Variants in MYO1B observed in about 807,000 individuals in gnomAD.
The protein encoded by MYO1B is myosin IB.
Under a neutral mutation model 159.7 loss-of-function variants are expected in MYO1B, and 72 were observed. That is an observed-to-expected ratio of 0.45 (90% CI 0.37 to 0.55). The LOEUF is 0.55. MYO1B is among the 20% of genes least tolerant of loss of function. The probability of loss-of-function intolerance (pLI) is 0.00; values close to 1 mark genes in which losing one functional copy is unlikely to be tolerated. For missense variants in MYO1B, 1,062 were observed against 1,364.8 expected, an observed-to-expected ratio of 0.78 and a Z score of 3.50; for synonymous variants, 468 against 473.8, an observed-to-expected ratio of 0.99 and a Z score of 0.16.
At chr2:191,400,685 G>C (rs1248688336) in intron 22 of MYO1B, 64 bp from the exon 23 acceptor site, 3 of 1,561,932 alleles carry the variant, frequency 1.9e-6, no homozygotes, top group Non-Finnish European at 2.6e-6. Context: ...TTTCTTCATT[G>C]AAAACCAGCA....
intron 3 of MYO1B, among the ~76,000 whole-genome samples, chr2:191,302,736 A>G (rs1199478607): frequency 1.3e-5 from 2 of 152,254 alleles, no homozygotes; most frequent in East Asian, 1.9e-4. Context: ...TTGCAGTCAC[A>G]AGGTGAAGCA....
rs192908271 is a variant in MYO1B, at chr2:191,407,962, C to A, written c.2557-153C>A. ...TTCTTTCTCTCTGACTTAAGATCCA[C>A]TATATGAATGTGTTTCAATTATTTT... On this transcript the variant is annotated intron_variant, in intron 24 of 30. Coordinates refer to ENST00000392318, the MANE Select transcript of MYO1B (RefSeq NM_001130158.3). 1.4e-4 allele frequency: 64 copies of A among 469,734 alleles called. No individual in the cohort carries two copies. The Admixed American group carries it at 2.4e-3, about 17-fold the overall frequency. The allele number at this position is 469,734 out of a possible 1,614,324, so 29.1% of individuals were successfully genotyped here. A position where few individuals can be genotyped will look rare whatever the true frequency, so the allele number is the denominator to read the frequency against.
intron 14 of MYO1B, among the ~76,000 whole-genome samples, chr2:191,382,346 G>A (rs1695091608): frequency 6.6e-6 from 1 of 151,814 alleles, no homozygotes; most frequent in African/African-American, 2.4e-5. Context: ...TAATGTGATT[G>A]TTATCCCCAG....
chr2:191,275,827 T>G lies in MYO1B; in HGVS notation c.-9-1060T>G, dbSNP rs73981535. 2.6e-3 allele frequency among the ~76,000 whole-genome samples: 389 copies of G among 152,304 alleles called. 3 individuals carry two copies. The highest frequency in any genetic ancestry group is 9.0e-3 in the African/African-American group (374 of 41,560). The stretch of plus-strand genomic sequence containing the variant: ...TTACCATTTTACCATTTAGTTCTGG[T>G]AATATTAGGAAAAATAATACAGACA... On this transcript the variant is annotated intron_variant, in intron 1 of 30. Transcript: ENST00000392318.
At chr2:191,266,912 C>T (rs1033057576) in intron 1 of MYO1B, among the ~76,000 whole-genome samples, 17 of 152,158 alleles carry the variant, frequency 1.1e-4, no homozygotes, top group African/African-American at 4.1e-4. Flanking sequence ...TTTTCCCTCT[C>T]GTCAGTTTGC....
chr2:191,354,326 A>G (rs1693131045), intron 7 of MYO1B, among the ~76,000 whole-genome samples: 1 of 150,988 alleles, frequency 6.6e-6, no homozygotes, highest in African/African-American at 2.4e-5. Flanking sequence ...TATTTGTTGA[A>G]TGAATGAATG....
intron 23 of MYO1B, chr2:191,401,472 A>G (rs920406232): frequency 6.6e-6 from 1 of 152,198 alleles, no homozygotes; most frequent in Non-Finnish European, 1.5e-5. Context: ...GCCTCCTGAA[A>G]TACTCTCACT....
chr2:191,383,683 A>G (rs1481117918), intron 15 of MYO1B, among the ~76,000 whole-genome samples: 1 of 151,642 alleles, frequency 6.6e-6, no homozygotes, highest in African/African-American at 2.4e-5. Flanking sequence ...TGGCCATATC[A>G]CAACACCCTT....
chr2:191,385,976 A>G lies in MYO1B; in HGVS notation c.1446A>G (p.Val482=), dbSNP rs1695375488. The change falls in exon 16 of 31, where the codon GTA becomes GTG. Residue 482 remains valine, a synonymous_variant. Coordinates refer to ENST00000392318, the MANE Select transcript of MYO1B (RefSeq NM_001130158.3). ...CCTTCTTAGAAAAGCTGAACCAAGT[A>G]TGTGCCACCCACCAGCATTTTGAGA... ...DETFLEKLNQ[V]CATHQHFESR... The G allele has an allele frequency of 1.9e-6, 3 of 1,614,052 alleles. No homozygotes were observed. The highest frequency in any genetic ancestry group is 2.2e-5 in the East Asian group (1 of 44,894).
chr2:191,322,065 G>A (rs1431881243), intron 3 of MYO1B, among the ~76,000 whole-genome samples: 1 of 152,174 alleles, frequency 6.6e-6, no homozygotes, highest in Non-Finnish European at 1.5e-5. Flanking sequence ...ATAACAGCCT[G>A]CAGTAGCAAG....
At chr2:191,379,071 GTA>G (rs1362549736) in intron 13 of MYO1B, among the ~76,000 whole-genome samples, 2 of 152,174 alleles carry the variant, frequency 1.3e-5, no homozygotes, top group African/African-American at 4.8e-5. Context: ...CCACAGGAAG[GTA>G]TTGTGGTCCT....
At chr2:191,381,304 A>G (rs1695027380) in intron 13 of MYO1B, 158 bp from the exon 14 acceptor site, 1 of 700,410 alleles carries the variant, frequency 1.4e-6, no homozygotes, top group Admixed American at 2.0e-5. Flanking sequence ...GAGTGCCTGC[A>G]ATGGGCAAGC....
At chr2:191,282,027 A>G (rs555759808) in intron 2 of MYO1B, among the ~76,000 whole-genome samples, 22 of 152,346 alleles carry the variant, frequency 1.4e-4, no homozygotes, top group Non-Finnish European at 2.8e-4. Context: ...AAGATATAGT[A>G]CCATATATTT....
chr2:191,409,031 C>T lies in MYO1B; in HGVS notation c.2632-13C>T. 3.1e-6 allele frequency: 5 copies of T among 1,595,752 alleles called. No individual in the cohort carries two copies. The highest frequency in any genetic ancestry group is 4.3e-6 in the Non-Finnish European group (5 of 1,174,162). On this transcript the variant is annotated splice_polypyrimidine_tract_variant and intron_variant, in intron 25 of 30. Transcript: ENST00000392318. ...ATTTTCCTCATGTAGTATTTTCTGT[C>T]AACCCAACACAGGTGCAAAAATACT... is the stretch of plus-strand genomic sequence containing the variant.
intron 8 of MYO1B, among the ~76,000 whole-genome samples, chr2:191,361,867 A>G (rs1258490481): frequency 2.0e-5 from 3 of 152,102 alleles, no homozygotes; most frequent in African/African-American, 7.2e-5. Context: ...GACATTTATC[A>G]CTGCTCTATA....
At chr2:191,411,654 G>C (rs188578033) in intron 27 of MYO1B, among the ~76,000 whole-genome samples, 10 of 152,322 alleles carry the variant, frequency 6.6e-5, no homozygotes, top group African/African-American at 2.2e-4. Flanking sequence ...GCACTGGTCT[G>C]TGGTGCCCTT....
chr2:191,300,861 CA>C (rs768971679), intron 3 of MYO1B, among the ~76,000 whole-genome samples: 1 of 152,032 alleles, frequency 6.6e-6, no homozygotes, highest in Non-Finnish European at 1.5e-5. Flanking sequence ...AAGGTGTCTA[CA>C]ATTTATCTTT....
intron 3 of MYO1B, among the ~76,000 whole-genome samples, chr2:191,301,077 C>T (rs961282772): frequency 6.6e-6 from 1 of 152,084 alleles, no homozygotes; most frequent in Non-Finnish European, 1.5e-5. Flanking sequence ...CTGAACTGTC[C>T]CCGTTACGTG....
chr2:191,357,443 A>G (rs1475231099), intron 7 of MYO1B, among the ~76,000 whole-genome samples: 1 of 152,230 alleles, frequency 6.6e-6, no homozygotes, highest in Non-Finnish European at 1.5e-5. Context: ...CTTCCCCACT[A>G]GAGTGGCTTA....
Sources: allele counts gnomAD v4.1 joint callset (sites outside exome capture counted in the v4.1 genomes callset), GRCh38; gene constraint gnomAD v4.1.1; transcripts MANE v1.5; gene names NCBI Gene and HGNC (gene_info 2026-07-23, HGNC 2026-07-21).